SUGCT: variants seen among roughly 807,000 people sequenced by gnomAD.
SUGCT encodes the protein succinyl-CoA:glutarate CoA-transferase.
SUGCT carries 41 observed loss-of-function variants against 55.0 expected under a neutral mutation model. The ratio of observed to expected loss-of-function variants is 0.74; its 90% CI spans 0.58 to 0.97. The LOEUF (loss-of-function observed/expected upper bound fraction) is 0.97. Among genes scored for constraint, SUGCT ranks in the 50% least tolerant of loss-of-function variants. SUGCT has a pLI of 0.00. For missense variants in SUGCT, 568 were observed against 547.8 expected (o/e 1.04, Z -0.37); for synonymous variants, 187 against 200.4 (o/e 0.93, Z 0.56).
chr7:40,301,052 A>G (rs1794506759), intron 8 of SUGCT, among the ~76,000 whole-genome samples: 1 of 152,230 alleles, frequency 6.6e-6, no homozygotes, highest in Non-Finnish European at 1.5e-5. Context: ...CCTGTTTTCA[A>G]TCAGACTGTA....
chr7:40,747,463 G>A (rs1174766144), intron 12 of SUGCT, among the ~76,000 whole-genome samples: 1 of 152,156 alleles, frequency 6.6e-6, no homozygotes. Flanking sequence ...TTTATTCCAT[G>A]CTCTTTTGCT....
At chr7:40,685,618 AT>A (rs1417695611) in intron 12 of SUGCT, among the ~76,000 whole-genome samples, 2 of 152,118 alleles carry the variant, frequency 1.3e-5, no homozygotes, top group South Asian at 4.2e-4. Context: ...TTGATTGTGG[AT>A]TTTTTTCCCG....
rs752869743 is a variant in SUGCT at position 40,516,147 on chromosome 7, G to A, written c.1089+19761G>A. Among the ~76,000 whole-genome samples, 12 of 151,728 alleles carry A rather than the reference G, an allele frequency of 7.9e-5. No individual in the cohort carries two copies. In the South Asian group the frequency reaches 1.0e-3, roughly 13 times the overall value. On this transcript the variant is annotated intron_variant, in intron 12 of 13. Transcript: ENST00000335693. ...AAATCTTTTAAGGTATTATTGACGC[G>A]TTGTCTGCTTTGAAAAAAAGTCTAT... is the stretch of plus-strand genomic sequence containing the variant.
chr7:40,149,015 AATCTTAAACTTCTT>A (rs1562796373), intron 1 of SUGCT, among the ~76,000 whole-genome samples: 1 of 152,102 alleles, frequency 6.6e-6, no homozygotes, highest in Non-Finnish European at 1.5e-5. Context: ...GGCAGATAAA[AATCTTAAACTTCTT>A]TAGAAGAGAT....
the SUGCT span, among the ~76,000 whole-genome samples, chr7:40,958,771 TG>T: frequency 1.3e-5 from 2 of 152,168 alleles, no homozygotes; most frequent in African/African-American, 2.4e-5. Flanking sequence ...TCAGCCTTTT[TG>T]CACTGGTTTT....
chr7:40,906,918 C>T, the SUGCT span, among the ~76,000 whole-genome samples: 2 of 152,084 alleles, frequency 1.3e-5, no homozygotes, highest in Non-Finnish European at 2.9e-5. Context: ...AACAAATCTT[C>T]CCAGAGAGGG....
intron 12 of SUGCT, among the ~76,000 whole-genome samples, chr7:40,615,395 A>C (rs1381531139): frequency 2.6e-5 from 4 of 152,158 alleles, no homozygotes; most frequent in Non-Finnish European, 2.9e-5. Context: ...CCAGTAAATA[A>C]AATTGTTTAT....
chr7:40,204,138 A>G (rs1285991482), intron 6 of SUGCT, among the ~76,000 whole-genome samples: 1 of 151,050 alleles, frequency 6.6e-6, no homozygotes, highest in Non-Finnish European at 1.5e-5. Flanking sequence ...ATAGGCATGC[A>G]CCACCACAAC....
intron 13 of SUGCT, among the ~76,000 whole-genome samples, chr7:40,762,873 C>T (rs748519718): frequency 1.4e-4 from 21 of 151,722 alleles, no homozygotes; most frequent in Admixed American, 9.9e-4. Flanking sequence ...AGTGCACTGG[C>T]ATGATCTCAG....
At chr7:40,925,379 C>CT in the SUGCT span, among the ~76,000 whole-genome samples, 1 of 152,156 alleles carries the variant, frequency 6.6e-6, no homozygotes, top group Non-Finnish European at 1.5e-5. Flanking sequence ...GTCTGACTTG[C>CT]TTTTTAATAT....
chr7:40,567,134 A>C (rs940469407), intron 12 of SUGCT, among the ~76,000 whole-genome samples: 7 of 152,224 alleles, frequency 4.6e-5, no homozygotes, highest in Non-Finnish European at 7.3e-5. Context: ...CGTAATATAT[A>C]CATTTAACAA....
At chr7:40,913,537 A>G in the SUGCT span, among the ~76,000 whole-genome samples, 1 of 152,224 alleles carries the variant, frequency 6.6e-6, no homozygotes. Context: ...ATTCCAGAGC[A>G]TGTACTACAA....
At chr7:40,233,788 T>A (rs2150866392) in intron 6 of SUGCT, among the ~76,000 whole-genome samples, 1 of 152,316 alleles carries the variant, frequency 6.6e-6, no homozygotes, top group African/African-American at 2.4e-5. Context: ...TGTTATCTAA[T>A]CAAATTAAAT....
intron 9 of SUGCT, 138 bp from the exon 10 acceptor site, chr7:40,449,149 A>G: frequency 1.7e-6 from 1 of 605,196 alleles, no homozygotes; most frequent in Non-Finnish European, 2.9e-6. Flanking sequence ...TACATATATG[A>G]AAAAGATACA....
intron 5 of SUGCT, 41 bp downstream of exon 5, chr7:40,189,635 A>G: frequency 8.7e-7 from 1 of 1,152,674 alleles, no homozygotes. Context: ...CACCTAGGTT[A>G]TAATTAGGGT....
At chr7:40,985,182 T>C in the SUGCT span, among the ~76,000 whole-genome samples, 1 of 152,154 alleles carries the variant, frequency 6.6e-6, no homozygotes, top group Admixed American at 6.5e-5. Context: ...AAGTTGAAAT[T>C]GCAAATTGTA....
chr7:40,757,570 T>C (rs1788319837), intron 13 of SUGCT, among the ~76,000 whole-genome samples: 2 of 152,210 alleles, frequency 1.3e-5, no homozygotes, highest in African/African-American at 4.8e-5. Context: ...AAGTTTTCAC[T>C]ACTAGGAAGT....
intron 13 of SUGCT, among the ~76,000 whole-genome samples, chr7:40,776,045 C>A (rs1789432763): frequency 6.6e-6 from 1 of 152,186 alleles, no homozygotes; most frequent in African/African-American, 2.4e-5. Context: ...TACACCTTGG[C>A]CAAGTTCCTG....
At chr7:40,951,820 G>GTGCAA in the SUGCT span, among the ~76,000 whole-genome samples, 1 of 152,154 alleles carries the variant, frequency 6.6e-6, no homozygotes, top group African/African-American at 2.4e-5. Flanking sequence ...CTGAGAGACA[G>GTGCAA]TTTGTTATAA....
Sources: allele counts gnomAD v4.1 joint callset (sites outside exome capture counted in the v4.1 genomes callset), GRCh38; gene constraint gnomAD v4.1.1; transcripts MANE v1.5; gene names NCBI Gene and HGNC (gene_info 2026-07-23, HGNC 2026-07-21).